The following PLEKHD1 variants were observed in gnomAD, a reference collection of about 807,000 sequenced individuals.
PLEKHD1 encodes pleckstrin homology domain-containing family D member 1.
A neutral mutation model predicts 69.2 loss-of-function variants in PLEKHD1; 51 were observed. That is an observed-to-expected ratio of 0.74 (90% CI 0.59 to 0.93). PLEKHD1 has a LOEUF of 0.93. PLEKHD1 is among the 40% of genes least tolerant of loss of function. PLEKHD1 has a pLI of 0.00. For synonymous variants in PLEKHD1, 236 were observed against 244.7 expected (o/e 0.96, Z 0.33); for missense variants, 584 against 641.0 (o/e 0.91, Z 0.96).
At chr14:69,489,558 C>CAAA (rs1166429791) in intron 1 of PLEKHD1, among the ~76,000 whole-genome samples, 14,322 of 59,246 alleles carry the variant, frequency 0.24, 2,187 homozygotes, top group Middle Eastern at 0.3. Context: ...TACTCCATCT[C>CAAA]AAAAAAAAAA....
rs1184342352 is a variant in PLEKHD1 at position 69,502,832 on chromosome 14, C to G, written c.508C>G (p.Leu170Val). ...GTGTGTGCTTGTTTTGGCAGACAAA[C>G]TGATGGAAGAGACCGAAGAACTCTG... ...AKEKQEYLDK[L>V]MEETEELCLQ... The change falls in exon 6 of 13, where the codon CTG becomes GTG. Residue 170 changes from leucine (L) to valine (V), a missense_variant. Transcript: ENST00000322564. 1 of 1,551,516 alleles carries G rather than the reference C, an allele frequency of 6.4e-7. No homozygotes were observed. The highest frequency in any genetic ancestry group is 8.7e-7 in the Non-Finnish European group (1 of 1,146,972).
chr14:69,527,053 T>C, intron 10 of PLEKHD1, 135 bp from the exon 11 acceptor site: 1 of 1,248,458 alleles, frequency 8.0e-7, no homozygotes, highest in African/African-American at 1.5e-5. Context: ...GTTCAAAGGG[T>C]AAGACTCAGA....
intron 1 of PLEKHD1, among the ~76,000 whole-genome samples, chr14:69,489,346 G>A (rs1882722283): frequency 1.3e-5 from 2 of 152,102 alleles, no homozygotes; most frequent in African/African-American, 2.4e-5. Context: ...ATCACTTGAG[G>A]TCAGGAGTTG....
chr14:69,525,534 A>T (rs563522433), intron 8 of PLEKHD1, among the ~76,000 whole-genome samples: 36 of 152,140 alleles, frequency 2.4e-4, no homozygotes, highest in African/African-American at 8.7e-4. Flanking sequence ...CAAGGCTGGG[A>T]TGCAGTGGTG....
In PLEKHD1 at chr14:69,526,072, CGAG is replaced by C. The variant is rs1486056977; in HGVS notation, c.877_879del (p.Glu293del). 2 of 1,551,472 alleles carry C rather than the reference CGAG, an allele frequency of 1.3e-6. No homozygotes were observed. Among genetic ancestry groups the C allele is most frequent in the African/African-American group, 1.4e-5 (1 of 73,010 alleles). On this transcript the variant is annotated inframe_deletion, in exon 9 of 13. Coordinates refer to ENST00000322564, the MANE Select transcript of PLEKHD1 (RefSeq NM_001161498.2). The stretch of plus-strand genomic sequence containing the variant: ...GCCTCCATAGCAACCTCCGGCAGAT[CGAG>C]GAGAAGATGCAGCAGCTCTTAGAGG...
chr14:69,471,277 T>A, the PLEKHD1 span, among the ~76,000 whole-genome samples: 1 of 151,752 alleles, frequency 6.6e-6, no homozygotes, highest in Non-Finnish European at 1.5e-5. Flanking sequence ...GACTGATTTT[T>A]AAATTTTTAT....
At chr14:69,527,985 G>T in intron 12 of PLEKHD1, 53 bp downstream of exon 12, 1 of 1,548,384 alleles carries the variant, frequency 6.5e-7, no homozygotes, top group African/African-American at 1.4e-5. Context: ...GCAGGAAGAG[G>T]GCAACATGGG....
At chr14:69,494,504 C>T (rs1242467646) in intron 1 of PLEKHD1, among the ~76,000 whole-genome samples, 1 of 151,362 alleles carries the variant, frequency 6.6e-6, no homozygotes, top group Admixed American at 6.5e-5. Context: ...CACTGTTTTG[C>T]CTCTAAGCCT....
At chr14:69,485,717 G>C (rs1471834320) in intron 1 of PLEKHD1, among the ~76,000 whole-genome samples, 1 of 152,244 alleles carries the variant, frequency 6.6e-6, no homozygotes, top group African/African-American at 2.4e-5. Flanking sequence ...TGAGCACAGG[G>C]AAGAGAGATT....
the PLEKHD1 span, among the ~76,000 whole-genome samples, chr14:69,478,036 C>T: frequency 6.6e-6 from 1 of 152,248 alleles, no homozygotes; most frequent in Non-Finnish European, 1.5e-5. Context: ...GCCCCTGCAG[C>T]AAACTTCTGC....
rs1883588403 is a variant in PLEKHD1, at chr14:69,524,285, T to A, written c.707T>A (p.Leu236Gln). ...GGTGTAGAACAAGAGAAAAAGGAAC[T>A]GAGGCACCTCACGGAGTCCTTGCAG... Reference protein sequence around the residue: ...LKGVEQEKKELRHLTESLQQT... With the variant: ...LKGVEQEKKEQRHLTESLQQT... Residue 236 changes from leucine (L) to glutamine (Q), a missense_variant, in exon 8 of 13, where the codon CTG becomes CAG. Physicochemically the swap from Leu to Gln is moderately radical, Grantham distance 113. Transcript: ENST00000322564. 1 of 1,551,636 alleles carries A rather than the reference T, an allele frequency of 6.4e-7. No individual in the cohort carries two copies. The highest frequency in any genetic ancestry group is 1.2e-5 in the South Asian group (1 of 84,062).
chr14:69,493,799 G>A (rs1218448759), intron 1 of PLEKHD1, among the ~76,000 whole-genome samples: 5 of 152,208 alleles, frequency 3.3e-5, no homozygotes, highest in Admixed American at 6.5e-5. Context: ...GACAGCCAGC[G>A]TTGACACAAG....
intron 6 of PLEKHD1, among the ~76,000 whole-genome samples, chr14:69,521,992 A>G (rs1883526157): frequency 6.6e-6 from 1 of 152,164 alleles, no homozygotes. Context: ...GATATTTAGA[A>G]TTATAGTTTC....
chr14:69,519,225 A>G (rs920520333), intron 6 of PLEKHD1, among the ~76,000 whole-genome samples: 1 of 152,166 alleles, frequency 6.6e-6, no homozygotes. Context: ...AGGGAGTGGC[A>G]GGGCTGAGCA....
chr14:69,500,637 GCC>G lies in PLEKHD1; in HGVS notation c.305_306del (p.Ala102AspfsTer17). 1 of 1,551,488 alleles carries G rather than the reference GCC, an allele frequency of 6.4e-7. No homozygotes were observed. Among genetic ancestry groups the G allele is most frequent in the Non-Finnish European group, 8.7e-7 (1 of 1,146,908 alleles). ...EPKEEPSMPYAMKISHQDFHG... is the reference protein window; with the variant it reads ...EPKEEPSMPYXMKISHQDFHG... ...CAAGGAAGAGCCTAGCATGCCCTATGCCATGAAGATCTCCCACCAGGACTTCC... is the reference window on the plus strand; with the variant it reads ...CAAGGAAGAGCCTAGCATGCCCTATGATGAAGATCTCCCACCAGGACTTCC... On this transcript the variant is annotated frameshift_variant, in exon 3 of 13. Transcript: ENST00000322564. LOFTEE classifies it high-confidence loss of function.
At chr14:69,469,441 G>A in the PLEKHD1 span, among the ~76,000 whole-genome samples, 2 of 150,838 alleles carry the variant, frequency 1.3e-5, no homozygotes, top group Admixed American at 6.6e-5. Flanking sequence ...GGTCTCTCTC[G>A]CTCTATCGCC....
At chr14:69,487,531 T>C (rs187908138) in intron 1 of PLEKHD1, among the ~76,000 whole-genome samples, 45 of 152,274 alleles carry the variant, frequency 3.0e-4, no homozygotes, top group African/African-American at 1.1e-3. Context: ...TGGAGAGAAC[T>C]GGCTGTGGCC....
chr14:69,502,751 G>A, intron 5 of PLEKHD1, 76 bp from the exon 6 acceptor site: 1 of 1,540,308 alleles, frequency 6.5e-7, no homozygotes. Flanking sequence ...GACCACCTCA[G>A]GCACCAGCTC....
At chr14:69,477,944 C>T in the PLEKHD1 span, among the ~76,000 whole-genome samples, 1 of 152,222 alleles carries the variant, frequency 6.6e-6, no homozygotes, top group South Asian at 2.1e-4. Flanking sequence ...TAGGCAATGT[C>T]CCAGTAGGGA....
Sources: allele counts gnomAD v4.1 joint callset (sites outside exome capture counted in the v4.1 genomes callset), GRCh38; gene constraint gnomAD v4.1.1; transcripts MANE v1.5; gene names NCBI Gene and HGNC (gene_info 2026-07-23, HGNC 2026-07-21).